INO80: variants seen among roughly 807,000 people sequenced by gnomAD.
INO80 encodes the protein chromatin-remodeling ATPase INO80.
INO80 carries 20 observed loss-of-function variants against 203.4 expected under a neutral mutation model. The observed-to-expected ratio is 0.10, with a 90% CI of 0.07 to 0.14. INO80 has a LOEUF of 0.14. INO80 is among the 10% of genes least tolerant of loss of function. The probability of loss-of-function intolerance (pLI) is 1.00; values close to 1 mark genes in which losing one functional copy is unlikely to be tolerated. For synonymous variants in INO80, 726 were observed against 685.2 expected, an observed-to-expected ratio of 1.06 and a Z score of -0.93; for missense variants, 1,419 against 1,914.4, an observed-to-expected ratio of 0.74 and a Z score of 4.83.
At chr15:41,002,349 G>A (rs931829095) in intron 28 of INO80, among the ~76,000 whole-genome samples, 2 of 152,170 alleles carry the variant, frequency 1.3e-5, no homozygotes, top group African/African-American at 4.8e-5. Context: ...AAATCATTGT[G>A]CACTACTACT....
intron 4 of INO80, among the ~76,000 whole-genome samples, chr15:41,093,486 G>A (rs989238175): frequency 6.6e-6 from 1 of 152,112 alleles, no homozygotes; most frequent in Non-Finnish European, 1.5e-5. Context: ...ATTTCAGAAT[G>A]TTAAAAATTT....
chr15:41,108,732 T>C (rs1478995207), intron 1 of INO80: 1 of 152,228 alleles, frequency 6.6e-6, no homozygotes, highest in East Asian at 1.9e-4. Context: ...TTAAACATTA[T>C]GTATCAGGAA....
At chr15:41,015,986 T>G in intron 27 of INO80, 102 bp downstream of exon 27, 30 of 852,746 alleles carry the variant, frequency 3.5e-5, no homozygotes, top group South Asian at 2.0e-4. Flanking sequence ...CAAAAGGGAG[T>G]TTTGGGGCTC....
intron 9 of INO80, among the ~76,000 whole-genome samples, chr15:41,079,075 G>T (rs543306895): frequency 6.6e-6 from 1 of 152,206 alleles, no homozygotes; most frequent in Admixed American, 6.5e-5. Flanking sequence ...GGAGGCAAAG[G>T]TTGCAGAGCC....
At chr15:41,058,551 C>A in intron 16 of INO80, 88 bp downstream of exon 16, 2 of 872,416 alleles carry the variant, frequency 2.3e-6, no homozygotes, top group Non-Finnish European at 3.4e-6. Context: ...ATATACAAGT[C>A]TGTGTGTGTG....
rs141011470 is a variant in INO80 at position 41,079,782 on chromosome 15, A to G, written c.1050T>C (p.Tyr350=). Residue 350 remains tyrosine, a synonymous_variant, in exon 9 of 36, where the codon TAT becomes TAC. Coordinates refer to ENST00000648947, the MANE Select transcript of INO80 (RefSeq NM_017553.3). Reference sequence around the variant, plus strand: ...TGCGGTGCTCCTTCTCTACTTTCTCATATTTCTTCCAGTACAGAAGCATCT... The same window carrying G: ...TGCGGTGCTCCTTCTCTACTTTCTCGTATTTCTTCCAGTACAGAAGCATCT... ...TKEMLLYWKK[Y]EKVEKEHRKR... is the part of the protein sequence containing the mutation. The G allele has an allele frequency of 2.5e-6, 4 of 1,614,040 alleles. No individual in the cohort carries two copies. Among genetic ancestry groups the G allele is most frequent in the Admixed American group, 1.7e-5 (1 of 59,982 alleles).
intron 4 of INO80, among the ~76,000 whole-genome samples, chr15:41,093,848 A>T (rs2045680713): frequency 6.6e-6 from 1 of 152,202 alleles, no homozygotes; most frequent in East Asian, 1.9e-4. Flanking sequence ...CTGTCTCAAA[A>T]ATAAATAAAT....
chr15:41,103,221 G>T (rs2045834772), intron 1 of INO80, among the ~76,000 whole-genome samples: 1 of 152,046 alleles, frequency 6.6e-6, no homozygotes, highest in Non-Finnish European at 1.5e-5. Flanking sequence ...TCTTCTTTGG[G>T]AATAATGTCT....
chr15:41,088,248 C>A (rs1268219722), intron 5 of INO80, among the ~76,000 whole-genome samples: 1 of 151,950 alleles, frequency 6.6e-6, no homozygotes, highest in African/African-American at 2.4e-5. Flanking sequence ...CGCCACCACA[C>A]CCAGCTGATT....
intron 4 of INO80, among the ~76,000 whole-genome samples, chr15:41,093,216 G>A (rs991932529): frequency 6.6e-6 from 1 of 151,814 alleles, no homozygotes; most frequent in African/African-American, 2.4e-5. Flanking sequence ...CACAAGGTCA[G>A]GAGTTTGAGA....
At chr15:40,983,108 A>G (rs1375066749) in intron 34 of INO80, 31 bp from the exon 35 acceptor site, 8 of 634,016 alleles carry the variant, frequency 1.3e-5, no homozygotes, top group South Asian at 2.9e-5. Context: ...AAAGGGAAAG[A>G]AAAAAAAAAA....
chr15:40,990,368 T>C (rs761751482), intron 29 of INO80, among the ~76,000 whole-genome samples: 43 of 151,898 alleles, frequency 2.8e-4, no homozygotes, highest in African/African-American at 1.0e-3. Context: ...CTGTCTCTCT[T>C]TTTCTTTTCT....
intron 26 of INO80, among the ~76,000 whole-genome samples, chr15:41,020,046 C>T (rs1184148221): frequency 2.6e-5 from 4 of 152,048 alleles, no homozygotes; most frequent in African/African-American, 9.7e-5. Flanking sequence ...ATAGTGAAAC[C>T]CCATGTCTAC....
chr15:41,043,888 A>G (rs1047353153), intron 24 of INO80, among the ~76,000 whole-genome samples: 1 of 152,228 alleles, frequency 6.6e-6, no homozygotes, highest in Admixed American at 6.5e-5. Context: ...TGTAAGGGCC[A>G]AGAATTATAT....
intron 31 of INO80, among the ~76,000 whole-genome samples, chr15:40,985,844 GT>G (rs2043724940): frequency 6.6e-6 from 1 of 152,118 alleles, no homozygotes; most frequent in African/African-American, 2.4e-5. Flanking sequence ...GGAAGTGGAG[GT>G]TGTGGTGAGC....
At chr15:41,019,867 G>A (rs191394145) in intron 26 of INO80, among the ~76,000 whole-genome samples, 1 of 152,220 alleles carries the variant, frequency 6.6e-6, no homozygotes, top group Non-Finnish European at 1.5e-5. Context: ...ATCTCTTAGA[G>A]ACAGAAGAAG....
At chr15:41,074,293 G>A (rs1292132419) in intron 10 of INO80, 77 bp downstream of exon 10, 26 of 1,033,956 alleles carry the variant, frequency 2.5e-5, no homozygotes, top group South Asian at 9.5e-5. Flanking sequence ...TAAAAAATTC[G>A]CAAAAATTAA....
chr15:41,114,878 G>A (rs2046007470), intron 1 of INO80, among the ~76,000 whole-genome samples: 1 of 152,090 alleles, frequency 6.6e-6, no homozygotes, highest in Admixed American at 6.6e-5. Flanking sequence ...TGGAGGGAGG[G>A]GGAATGGGGA....
At chr15:41,045,100 C>T (rs1050414391) in intron 23 of INO80, 25 bp from the exon 24 acceptor site, 5 of 1,572,462 alleles carry the variant, frequency 3.2e-6, no homozygotes, top group Admixed American at 2.0e-5. Flanking sequence ...AGCAGACACG[C>T]TTATTCAGTG....
Sources: allele counts gnomAD v4.1 joint callset (sites outside exome capture counted in the v4.1 genomes callset), GRCh38; gene constraint gnomAD v4.1.1; transcripts MANE v1.5; gene names NCBI Gene and HGNC (gene_info 2026-07-23, HGNC 2026-07-21).